The following TGM5 variants were observed in gnomAD, a reference collection of about 807,000 sequenced individuals.
TGM5 encodes protein-glutamine gamma-glutamyltransferase 5.
In TGM5, 69 loss-of-function variants were observed where a neutral mutation model predicts 77.2. The observed-to-expected ratio is 0.89, with a 90% CI of 0.74 to 1.09. The LOEUF is 1.09. Ranked by LOEUF, TGM5 falls within the 50% of genes least tolerant of loss-of-function variation. The pLI, the probability that TGM5 is intolerant of heterozygous loss-of-function variation, is 0.00. For synonymous variants in TGM5, 346 were observed against 351.8 expected (o/e 0.98, Z 0.18); for missense variants, 842 against 896.5 (o/e 0.94, Z 0.78).
intron 3 of TGM5, among the ~76,000 whole-genome samples, chr15:43,257,620 A>G (rs749631211): frequency 6.6e-6 from 1 of 152,114 alleles, no homozygotes; most frequent in Non-Finnish European, 1.5e-5. Flanking sequence ...ACACTTTTAC[A>G]CTGTTGGTAG....
At chr15:43,236,680 C>T (rs2042592600) in intron 9 of TGM5, among the ~76,000 whole-genome samples, 1 of 152,068 alleles carries the variant, frequency 6.6e-6, no homozygotes, top group African/African-American at 2.4e-5. Context: ...AAGAGTGGGC[C>T]CACAGGCTGA....
At chr15:43,252,608 G>T in intron 6 of TGM5, 151 bp downstream of exon 6, 2 of 1,010,022 alleles carry the variant, frequency 2.0e-6, no homozygotes, top group Non-Finnish European at 2.9e-6. Flanking sequence ...GAGCCACCGT[G>T]CCCGGCCGAG....
chr15:43,259,926 G>T, intron 3 of TGM5, 126 bp downstream of exon 3: 1 of 1,339,946 alleles, frequency 7.5e-7, no homozygotes, highest in Non-Finnish European at 1.1e-6. Flanking sequence ...TGGGGCGGAT[G>T]CTGAGTGCAG....
At chr15:43,264,743 T>A (rs1049237948) in intron 1 of TGM5, among the ~76,000 whole-genome samples, 4 of 152,240 alleles carry the variant, frequency 2.6e-5, no homozygotes, top group African/African-American at 9.6e-5. Context: ...AATTGTGGAC[T>A]TTATAAAGCT....
Position 43,252,772 on chromosome 15 carries a change from G to T in TGM5, c.849C>A (p.Ala283=). 1 of 1,613,880 alleles carries T rather than the reference G, an allele frequency of 6.2e-7. No individual in the cohort carries two copies. Among genetic ancestry groups the T allele is most frequent in the Non-Finnish European group, 8.5e-7 (1 of 1,180,026 alleles). The part of the protein sequence containing the change: ...VRYGQCWVFA[A]VMCTVMRCLG... Reference sequence around the variant, plus strand: ...TCTACCTCCTACCTGTGCACATGACGGCAGCAAAGACCCAGCATTGCCCGT... The same window carrying T: ...TCTACCTCCTACCTGTGCACATGACTGCAGCAAAGACCCAGCATTGCCCGT... The change falls in exon 6 of 13, where the codon GCC becomes GCA. Residue 283 remains alanine, a synonymous_variant. Coordinates refer to ENST00000220420, the MANE Select transcript of TGM5 (RefSeq NM_201631.4).
chr15:43,246,694 G>C (rs2042672065), intron 6 of TGM5, among the ~76,000 whole-genome samples: 1 of 152,188 alleles, frequency 6.6e-6, no homozygotes, highest in Non-Finnish European at 1.5e-5. Context: ...ATGGAGGGGA[G>C]AGAGCTGAAC....
chr15:43,254,409 G>A (rs1377233197), intron 4 of TGM5, among the ~76,000 whole-genome samples: 1 of 152,226 alleles, frequency 6.6e-6, no homozygotes, highest in Non-Finnish European at 1.5e-5. Context: ...TGTAGAATGA[G>A]TGTAAATGAA....
At chr15:43,260,790 C>T (rs2042780335) in intron 1 of TGM5, 1 of 659,352 alleles carries the variant, frequency 1.5e-6, no homozygotes, top group Admixed American at 2.2e-5. Flanking sequence ...CTCTTTTTTC[C>T]TTCCTCTCCT....
rs976431458 is a variant in TGM5, at chr15:43,266,864, G to T, written c.-15C>A. 8.1e-6 allele frequency: 13 copies of T among 1,614,062 alleles called. No individual in the cohort carries two copies. The highest frequency in any genetic ancestry group is 2.2e-5 in the East Asian group (1 of 44,886). ...CCTTGGGCCATGGTAGCTGCCTCCG[G>T]TTCCTGGGATGCTCCCCACAGAACA... On this transcript the variant is annotated 5_prime_UTR_variant, in exon 1 of 13. Transcript: ENST00000220420.
intron 4 of TGM5, among the ~76,000 whole-genome samples, chr15:43,254,389 T>C (rs1429570191): frequency 6.6e-6 from 1 of 152,256 alleles, no homozygotes; most frequent in Non-Finnish European, 1.5e-5. Context: ...GCAGGAACTC[T>C]GTACCTCTTT....
At chr15:43,257,727 G>C (rs2042752563) in intron 3 of TGM5, among the ~76,000 whole-genome samples, 3 of 151,960 alleles carry the variant, frequency 2.0e-5, no homozygotes, top group Admixed American at 2.0e-4. Context: ...ACCATTACTG[G>C]GCATATACCC....
At chr15:43,251,927 C>G (rs779990872) in intron 6 of TGM5, among the ~76,000 whole-genome samples, 1 of 152,190 alleles carries the variant, frequency 6.6e-6, no homozygotes, top group Non-Finnish European at 1.5e-5. Flanking sequence ...TCCCCTAACC[C>G]TCTGGCCAGA....
chr15:43,244,863 T>G lies in TGM5; in HGVS notation c.863-3873A>C, dbSNP rs149504027. ...AGGGAGGATTGCTTGAGCCCAGGAG[T>G]TTGAGACCAGCCTGGGCAACATAGT... On this transcript the variant is annotated intron_variant, in intron 6 of 12. Transcript: ENST00000220420. 9.8e-3 allele frequency among the ~76,000 whole-genome samples: 1,484 copies of G among 151,846 alleles called. 33 individuals are homozygous for G. The highest frequency in any genetic ancestry group is 0.035 in the African/African-American group (1,433 of 41,384).
At position 43,256,627 on chromosome 15, in the gene TGM5, C is replaced by T. The variant is rs776165962; in HGVS notation, c.496G>A (p.Gly166Ser). ...QRQEYVMNDY[G>S]FIYQGSKNWI... ...TTCTTGCTGCCTTGGTAGATGAAGC[C>T]ATAATCATTCATGACATACTCCTGC... The change falls in exon 4 of 13, where the codon GGC (glycine) becomes AGC (serine). Residue 166 changes from glycine to serine, a missense_variant. Coordinates refer to ENST00000220420, the MANE Select transcript of TGM5 (RefSeq NM_201631.4). The T allele has an allele frequency of 6.2e-6, 10 of 1,614,004 alleles. No individual in the cohort carries two copies. Among genetic ancestry groups the T allele is most frequent in the South Asian group, 1.1e-5 (1 of 91,074 alleles).
chr15:43,262,241 A>G (rs2042794873), intron 1 of TGM5, among the ~76,000 whole-genome samples: 1 of 152,174 alleles, frequency 6.6e-6, no homozygotes, highest in Non-Finnish European at 1.5e-5. Flanking sequence ...TTAATTGACA[A>G]GTTAATTTAC....
intron 1 of TGM5, among the ~76,000 whole-genome samples, chr15:43,262,562 G>A (rs2042797138): frequency 6.6e-6 from 1 of 151,802 alleles, no homozygotes; most frequent in Non-Finnish European, 1.5e-5. Flanking sequence ...CGAGGCGGGT[G>A]GATCACAAGG....
intron 6 of TGM5, among the ~76,000 whole-genome samples, chr15:43,242,942 A>C (rs1332498788): frequency 6.6e-6 from 1 of 152,224 alleles, no homozygotes; most frequent in African/African-American, 2.4e-5. Flanking sequence ...GTGACAAGAA[A>C]ACGTGCCAAA....
At chr15:43,249,372 C>A (rs2042689554) in intron 6 of TGM5, among the ~76,000 whole-genome samples, 1 of 152,166 alleles carries the variant, frequency 6.6e-6, no homozygotes, top group African/African-American at 2.4e-5. Flanking sequence ...CTGTCTAACT[C>A]CAAAACATTT....
At position 43,241,613 on chromosome 15, in the gene TGM5, A is replaced by G. The variant is rs191954210; in HGVS notation, c.863-623T>C. Among the ~76,000 whole-genome samples the G allele has an allele frequency of 1.6e-4, 25 of 152,232 alleles. No individual in the cohort carries two copies. In the East Asian group the frequency reaches 4.6e-3, roughly 28 times the overall value. Reference sequence around the variant, plus strand: ...AGTGTTGTCTTTATTCCTGGGGGCCATGCATTCTGTTTGCCAGCCAACTTC... The same window carrying G: ...AGTGTTGTCTTTATTCCTGGGGGCCGTGCATTCTGTTTGCCAGCCAACTTC... On this transcript the variant is annotated intron_variant, in intron 6 of 12. Coordinates refer to ENST00000220420, the MANE Select transcript of TGM5 (RefSeq NM_201631.4).
Sources: gnomAD v4.1 joint callset for allele counts (sites outside exome capture counted in the v4.1 genomes callset) on GRCh38, gnomAD v4.1.1 for gene constraint, MANE v1.5 for transcripts, NCBI Gene and HGNC (gene_info 2026-07-23, HGNC 2026-07-21) for gene names.